RTN1: variants seen among roughly 807,000 people sequenced by gnomAD.
RTN1 encodes the protein reticulon-1.
RTN1 carries 25 observed loss-of-function variants against 65.5 expected under a neutral mutation model. The ratio of observed to expected loss-of-function variants is 0.38; its 90% CI spans 0.28 to 0.53. The LOEUF (loss-of-function observed/expected upper bound fraction) is 0.53, where lower values mean the gene tolerates loss of function less well. Ranked by LOEUF, RTN1 falls within the 20% of genes least tolerant of loss-of-function variation. The probability of loss-of-function intolerance (pLI) is 0.79; values close to 1 mark genes in which losing one functional copy is unlikely to be tolerated. For synonymous variants in RTN1, 471 were observed against 447.6 expected (o/e 1.05, Z -0.66); for missense variants, 983 against 1,025.4 (o/e 0.96, Z 0.57).
At chr14:59,617,029 A>C (rs1882121400) in intron 3 of RTN1, among the ~76,000 whole-genome samples, 1 of 152,204 alleles carries the variant, frequency 6.6e-6, no homozygotes, top group African/African-American at 2.4e-5. Flanking sequence ...TAATATTCTC[A>C]ATTTATGGAA....
At position 59,749,196 on chromosome 14, in the gene RTN1, A is replaced by C. The variant is rs1423928569; in HGVS notation, c.242-2715T>G. Among the ~76,000 whole-genome samples the C allele has an allele frequency of 1.4e-4, 14 of 100,356 alleles. 4 individuals carry two copies. Among genetic ancestry groups the C allele is most frequent in the African/African-American group, 7.3e-4 (13 of 17,700 alleles). 65.8% of individuals were successfully genotyped at this position (100,356 alleles called of 152,430 possible). On this transcript the variant is annotated intron_variant, in intron 1 of 8. Coordinates refer to ENST00000267484, the MANE Select transcript of RTN1 (RefSeq NM_021136.3). ...TCTATCTATATATCTATCTATATAT[A>C]TCTATATATATATCTATATATATCT...
intron 1 of RTN1, among the ~76,000 whole-genome samples, chr14:59,786,374 A>C (rs1363110776): frequency 6.6e-6 from 1 of 152,222 alleles, no homozygotes. Flanking sequence ...AGTAAGTGGC[A>C]GTGACTATTA....
chr14:59,750,159 T>TATATATTATATATAATATATAATAC (rs1566713225), intron 1 of RTN1, among the ~76,000 whole-genome samples: 3 of 46,104 alleles, frequency 6.5e-5, no homozygotes, highest in South Asian at 4.9e-4. Context: ...TTATAGATAA[T>TATATATTATATATAATATATAATAC]ATATATTATA....
chr14:59,870,246 C>T lies in RTN1; in HGVS notation c.241+144G>A. On this transcript the variant is annotated intron_variant, in intron 1 of 8. Transcript: ENST00000267484. This position sits in a 1 kb window ranked among gnomAD's most constrained non-coding sequence, Gnocchi z 5.1. ...TTTTCTACCAGCCCGCGAATATTCC[C>T]AGTCGCCCGTGGCGACGCGGGGGTG... 1 of 755,184 alleles carries T rather than the reference C, an allele frequency of 1.3e-6. No individual in the cohort carries two copies. The highest frequency in any genetic ancestry group is 4.1e-5 in the South Asian group (1 of 24,542). The allele number at this position is 755,184 out of a possible 1,614,324, so 46.8% of individuals were successfully genotyped here.
rs368016723 is a variant in RTN1 at position 59,750,034 on chromosome 14, C to CATATATATTATATATTATATACAT, written c.242-3554_242-3553insATGTATATAATATATAATATATAT. Among the ~76,000 whole-genome samples the CATATATATTATATATTATATACAT allele has an allele frequency of 3.1e-3, 200 of 63,518 alleles. 17 individuals are homozygous for CATATATATTATATATTATATACAT. The highest frequency in any genetic ancestry group is 0.014 in the African/African-American group (192 of 13,904). The allele number at this position is 63,518 out of a possible 152,430, so 41.7% of individuals were successfully genotyped here. On this transcript the variant is annotated intron_variant, in intron 1 of 8. Coordinates refer to ENST00000267484, the MANE Select transcript of RTN1 (RefSeq NM_021136.3). Reference sequence around the variant, plus strand: ...TATATATTATATATTATATTATATACATATATTATATATTATATTATATAC... The same window carrying CATATATATTATATATTATATACAT: ...TATATATTATATATTATATTATATACATATATATTATATATTATATACATATATATTATATATTATATTATATAC...
intron 3 of RTN1, among the ~76,000 whole-genome samples, chr14:59,609,148 G>C (rs1034374569): frequency 1.3e-5 from 2 of 152,064 alleles, no homozygotes; most frequent in Non-Finnish European, 2.9e-5. Flanking sequence ...AGCTGGGCAT[G>C]GTGGCAGGCA....
chr14:59,652,155 C>T (rs1883032709), intron 3 of RTN1, among the ~76,000 whole-genome samples: 1 of 152,088 alleles, frequency 6.6e-6, no homozygotes, highest in Admixed American at 6.5e-5. Flanking sequence ...GTCAGAATGA[C>T]TATTATTAAA....
intron 1 of RTN1, among the ~76,000 whole-genome samples, chr14:59,767,181 T>A (rs1290008069): frequency 6.6e-6 from 1 of 152,214 alleles, no homozygotes; most frequent in Non-Finnish European, 1.5e-5. Flanking sequence ...GTCACCCAGC[T>A]GAAGACCAGG....
At position 59,746,051 on chromosome 14, in the gene RTN1, A is replaced by C. The variant is rs1397162421; in HGVS notation, c.672T>G (p.Asn224Lys). 6.2e-7 allele frequency: 1 copy of C among 1,614,104 alleles called. No individual in the cohort carries two copies. Among genetic ancestry groups the C allele is most frequent in the Admixed American group, 1.7e-5 (1 of 60,006 alleles). The change falls in exon 2 of 9, where the codon AAT (asparagine) becomes AAG (lysine). Residue 224 changes from asparagine (N) to lysine (K), a missense_variant. Physicochemically the swap from Asn to Lys is moderately conservative, Grantham distance 94. Transcript: ENST00000267484. ...ELEDKDLDFK[N>K]KDTDISIKPE... ...GTTTAATTGAGATGTCAGTGTCTTT[A>C]TTCTTAAAGTCCAAGTCTTTATCTT...
intron 1 of RTN1, among the ~76,000 whole-genome samples, chr14:59,841,668 T>C (rs1887314251): frequency 6.7e-6 from 1 of 148,550 alleles, no homozygotes; most frequent in South Asian, 2.1e-4. Flanking sequence ...GATTGTGCCA[T>C]TGCACTCCAG....
chr14:59,702,721 C>A (rs1884206272), intron 3 of RTN1, among the ~76,000 whole-genome samples: 1 of 152,242 alleles, frequency 6.6e-6, no homozygotes, highest in African/African-American at 2.4e-5. Flanking sequence ...CTTCTTACTT[C>A]TGCCCTGGTC....
intron 1 of RTN1, among the ~76,000 whole-genome samples, chr14:59,827,272 G>A (rs1366678491): frequency 6.6e-6 from 1 of 152,122 alleles, no homozygotes; most frequent in Non-Finnish European, 1.5e-5. Context: ...TAGAGATGGG[G>A]TTTCACCGTG....
At chr14:59,698,017 C>CT (rs1188680083) in intron 3 of RTN1, among the ~76,000 whole-genome samples, 1 of 152,124 alleles carries the variant, frequency 6.6e-6, no homozygotes, top group Non-Finnish European at 1.5e-5. Context: ...AATGTAGTGT[C>CT]TGGAAAAGTG....
At chr14:59,830,534 C>T (rs1887106774) in intron 1 of RTN1, among the ~76,000 whole-genome samples, 1 of 152,176 alleles carries the variant, frequency 6.6e-6, no homozygotes, top group Admixed American at 6.5e-5. Context: ...AGAGGTGCCT[C>T]CTACAGGTTG....
chr14:59,691,622 C>T (rs1241964767), intron 3 of RTN1, among the ~76,000 whole-genome samples: 1 of 151,940 alleles, frequency 6.6e-6, no homozygotes, highest in Non-Finnish European at 1.5e-5. Flanking sequence ...CTGGCAAAGA[C>T]ACAACGAAAA....
intron 3 of RTN1, among the ~76,000 whole-genome samples, chr14:59,719,861 C>T (rs192874390): frequency 2.4e-4 from 37 of 152,196 alleles, no homozygotes; most frequent in Admixed American, 2.4e-3. Flanking sequence ...ATGTGAGGAA[C>T]AGAGGAGAAA....
chr14:59,761,257 CT>C (rs1158119407), intron 1 of RTN1, among the ~76,000 whole-genome samples: 6 of 152,194 alleles, frequency 3.9e-5, no homozygotes, highest in African/African-American at 1.4e-4. Context: ...CAAATCTCAC[CT>C]TGAATTGTAA....
At chr14:59,837,849 A>C (rs1199301116) in intron 1 of RTN1, among the ~76,000 whole-genome samples, 1 of 152,154 alleles carries the variant, frequency 6.6e-6, no homozygotes, top group African/African-American at 2.4e-5. Flanking sequence ...TATTGTTGAA[A>C]AAATGCTAAT....
intron 3 of RTN1, among the ~76,000 whole-genome samples, chr14:59,675,366 T>C (rs973221791): frequency 6.7e-6 from 1 of 149,494 alleles, no homozygotes; most frequent in Non-Finnish European, 1.5e-5. Flanking sequence ...GAATGCTCAG[T>C]AGGAAGCTGG....
Sources: allele counts gnomAD v4.1 joint callset (sites outside exome capture counted in the v4.1 genomes callset), GRCh38; gene constraint gnomAD v4.1.1; non-coding constraint Gnocchi (gnomAD v3.1); transcripts MANE v1.5; gene names NCBI Gene and HGNC (gene_info 2026-07-23, HGNC 2026-07-21).